IFIH1: variants seen among roughly 807,000 people sequenced by gnomAD.
The protein encoded by IFIH1 is interferon induced with helicase C domain 1.
In IFIH1, 125 loss-of-function variants were observed where a neutral mutation model predicts 107.4. That is an observed-to-expected ratio of 1.16 (90% CI 1.01 to 1.35). The LOEUF (loss-of-function observed/expected upper bound fraction) is 1.35. IFIH1 is among the 40% of genes most tolerant of loss of function. IFIH1 has a pLI of 0.00. For synonymous variants in IFIH1, 458 were observed against 413.2 expected, an observed-to-expected ratio of 1.11 and a Z score of -1.31; for missense variants, 1,333 against 1,213.7, an observed-to-expected ratio of 1.10 and a Z score of -1.46.
At chr2:162,307,375 T>G (rs993452040) in intron 2 of IFIH1, among the ~76,000 whole-genome samples, 12 of 152,256 alleles carry the variant, frequency 7.9e-5, no homozygotes, top group Admixed American at 6.5e-4. Context: ...TTAGCTTTGC[T>G]CTTGCCATTT....
At chr2:162,282,046 A>G (rs1159131436) in intron 6 of IFIH1, among the ~76,000 whole-genome samples, 2 of 151,930 alleles carry the variant, frequency 1.3e-5, no homozygotes, top group Non-Finnish European at 2.9e-5. Flanking sequence ...TATACCCCAT[A>G]AAAGACAAGA....
chr2:162,309,799 A>G (rs1024112800), intron 2 of IFIH1, among the ~76,000 whole-genome samples: 5 of 152,138 alleles, frequency 3.3e-5, no homozygotes, highest in Non-Finnish European at 5.9e-5. Context: ...TTTGCATTTT[A>G]CTATAAGCAG....
chr2:162,268,162 C>T lies in IFIH1; in HGVS notation c.2732G>A (p.Ser911Asn), dbSNP rs1425569655. The T allele has an allele frequency of 2.5e-6, 4 of 1,613,852 alleles. No homozygotes were observed. The East Asian group carries it at 8.9e-5, about 36-fold the overall frequency. ...ATCTTCCCCAGAACAGGCTAGCACA[C>T]TGCAGTTTTTGCAAAGGAAAGTTAT... ...SLITFLCKNC[S>N]VLACSGEDIH... Residue 911 changes from serine (S) to asparagine (N), a missense_variant, in exon 14 of 16, where the codon AGT (serine) becomes AAT (asparagine). Transcript: ENST00000649979.
At chr2:162,298,247 T>C (rs1576233605) in intron 3 of IFIH1, among the ~76,000 whole-genome samples, 1 of 152,188 alleles carries the variant, frequency 6.6e-6, no homozygotes, top group East Asian at 1.9e-4. Context: ...GTAGTACCTC[T>C]TCTATTTTTG....
Position 162,306,791 on chromosome 2 carries a change from A to T in IFIH1, c.687T>A (p.Val229=), listed in dbSNP as rs774568917. The change falls in exon 3 of 16, where the codon GTT becomes GTA. Residue 229 remains valine (V), a synonymous_variant. Transcript: ENST00000649979. ...AGACCTCCTTCTCCAGATTTGGCTG[A>T]ACTGTGGTTGAAAGAAGTTGCTCTT... ...QVEEQLLSTT[V]QPNLEKEVWG... 1 of 1,613,984 alleles carries T rather than the reference A, an allele frequency of 6.2e-7. No individual in the cohort carries two copies. Among genetic ancestry groups the T allele is most frequent in the Non-Finnish European group, 8.5e-7 (1 of 1,179,898 alleles).
chr2:162,284,730 T>C (rs1302827583), intron 5 of IFIH1, among the ~76,000 whole-genome samples: 1 of 152,010 alleles, frequency 6.6e-6, no homozygotes, highest in Non-Finnish European at 1.5e-5. Flanking sequence ...GAGTGCTTTA[T>C]AAAGTGCAAT....
At chr2:162,274,171 C>A (rs1285395583) in intron 11 of IFIH1, among the ~76,000 whole-genome samples, 1 of 152,074 alleles carries the variant, frequency 6.6e-6, no homozygotes, top group African/African-American at 2.4e-5. Context: ...TTTCCATCAT[C>A]CAGTCTGGAG....
rs1278432953 is a variant in IFIH1 at position 162,311,538 on chromosome 2, A to G, written c.454-605T>C. On this transcript the variant is annotated intron_variant, in intron 1 of 15. Transcript: ENST00000649979. ...TTAATGTTATGGGAAATTTATTGTT[A>G]TATCTTTTTTTTGGAAATATGGGGC... 7.6e-4 allele frequency among the ~76,000 whole-genome samples: 116 copies of G among 151,768 alleles called. 1 individual carries two copies. The highest frequency in any genetic ancestry group is 1.5e-5 in the Non-Finnish European group (1 of 67,880).
chr2:162,298,064 T>A (rs894700790), intron 3 of IFIH1, among the ~76,000 whole-genome samples: 1 of 151,880 alleles, frequency 6.6e-6, no homozygotes, highest in Non-Finnish European at 1.5e-5. Flanking sequence ...CCAAAAAAAA[T>A]AAATAAATAA....
At position 162,280,021 on chromosome 2, in the gene IFIH1, A is replaced by G. The variant is rs1682777245; in HGVS notation, c.1616T>C (p.Phe539Ser). The G allele has an allele frequency of 1.2e-6, 2 of 1,607,510 alleles. No homozygotes were observed. The highest frequency in any genetic ancestry group is 1.3e-5 in the African/African-American group (1 of 74,708). The change falls in exon 8 of 16, where the codon TTT becomes TCT. Residue 539 changes from phenylalanine to serine, a missense_variant. Phe to Ser is a radical substitution (Grantham distance 155). Coordinates refer to ENST00000649979, the MANE Select transcript of IFIH1 (RefSeq NM_022168.4). ...TTCTCTGGTTGCATCTGCAATGGCA[A>G]ACTTCTTGCATGGCTCCTGTATTTG... Reference protein sequence around the residue: ...KNQIQEPCKKFAIADATREDP... With the variant: ...KNQIQEPCKKSAIADATREDP...
intron 2 of IFIH1, chr2:162,310,297 T>A (rs1028057424): frequency 1.2e-5 from 2 of 165,136 alleles, no homozygotes; most frequent in African/African-American, 2.4e-5. Flanking sequence ...GTTATGTTAT[T>A]ACTATTATTG....
intron 13 of IFIH1, among the ~76,000 whole-genome samples, chr2:162,269,300 T>C (rs1690988644): frequency 1.3e-5 from 2 of 152,222 alleles, no homozygotes; most frequent in African/African-American, 4.8e-5. Context: ...TCTTACTTCC[T>C]GCCTAGAATG....
Position 162,288,130 on chromosome 2 carries a change from A to G in IFIH1, c.1095+5T>C. The G allele has an allele frequency of 6.3e-7, 1 of 1,575,886 alleles. No homozygotes were observed. ...ATCAACTAGTGTTATGTGTTCTTTG[A>G]ATACCTTATTGACAAGAACTATAAC... is the stretch of plus-strand genomic sequence containing the variant. On this transcript the variant is annotated splice_donor_5th_base_variant and intron_variant, in intron 5 of 15. Coordinates refer to ENST00000649979, the MANE Select transcript of IFIH1 (RefSeq NM_022168.4).
In IFIH1 at chr2:162,280,064, G is replaced by A. The variant is rs1274362278; in HGVS notation, c.1573C>T (p.Leu525Phe). Residue 525 changes from leucine (L) to phenylalanine (F), a missense_variant, in exon 8 of 16, where the codon CTT (leucine) becomes TTT (phenylalanine). Leu to Phe is a conservative substitution (Grantham distance 22). Coordinates refer to ENST00000649979, the MANE Select transcript of IFIH1 (RefSeq NM_022168.4). ...TGTATTTGGTTTTTCAGTTGATCAAGGTTTTCTTTAACAGTTTTAATAGTA... is the reference window on the plus strand; with the variant it reads ...TGTATTTGGTTTTTCAGTTGATCAAAGTTTTCTTTAACAGTTTTAATAGTA... ...AFTIKTVKEN[L>F]DQLKNQIQEP... 1.2e-6 allele frequency: 2 copies of A among 1,610,746 alleles called. No homozygotes were observed. The highest frequency in any genetic ancestry group is 4.5e-5 in the East Asian group (2 of 44,790).
At chr2:162,290,511 G>C (rs1009362857) in intron 4 of IFIH1, among the ~76,000 whole-genome samples, 1 of 151,768 alleles carries the variant, frequency 6.6e-6, no homozygotes, top group African/African-American at 2.4e-5. Flanking sequence ...AAGTCATGAG[G>C]TTTTACTGCT....
chr2:162,278,984 C>T (rs952108017), intron 8 of IFIH1, among the ~76,000 whole-genome samples: 1 of 151,972 alleles, frequency 6.6e-6, no homozygotes, highest in Non-Finnish European at 1.5e-5. Flanking sequence ...AATCAGTACA[C>T]ATATGAATTT....
At chr2:162,283,229 T>C (rs1362395755) in intron 5 of IFIH1, among the ~76,000 whole-genome samples, 2 of 151,578 alleles carry the variant, frequency 1.3e-5, no homozygotes, top group Non-Finnish European at 2.9e-5. Context: ...GAACCACAAG[T>C]GAGGAGTTAG....
intron 7 of IFIH1, among the ~76,000 whole-genome samples, chr2:162,280,958 C>G (rs994399752): frequency 3.9e-5 from 6 of 151,992 alleles, no homozygotes; most frequent in African/African-American, 1.2e-4. Context: ...AGTTTTGAAA[C>G]TCATGGAGTA....
At chr2:162,273,414 GT>G (rs1691084072) in intron 12 of IFIH1, among the ~76,000 whole-genome samples, 1 of 152,164 alleles carries the variant, frequency 6.6e-6, no homozygotes, top group Non-Finnish European at 1.5e-5. Context: ...GTTTGGGCAT[GT>G]TACTTCATCA....
Sources: allele counts gnomAD v4.1 joint callset (sites outside exome capture counted in the v4.1 genomes callset), GRCh38; gene constraint gnomAD v4.1.1; transcripts MANE v1.5; gene names NCBI Gene and HGNC (gene_info 2026-07-23, HGNC 2026-07-21).